The following DGKB variants were observed in gnomAD, a reference collection of about 807,000 sequenced individuals.
DGKB encodes 90 kDa diacylglycerol kinase.
A neutral mutation model predicts 114.3 loss-of-function variants in DGKB; 67 were observed. The ratio of observed to expected loss-of-function variants is 0.59; its 90% CI spans 0.48 to 0.72. The LOEUF (loss-of-function observed/expected upper bound fraction) is 0.72. DGKB is among the 30% of genes least tolerant of loss of function. DGKB has a pLI of 0.00. For synonymous variants in DGKB, 398 were observed against 323.1 expected, an observed-to-expected ratio of 1.23 and a Z score of -2.49; for missense variants, 907 against 975.2, an observed-to-expected ratio of 0.93 and a Z score of 0.93.
intron 13 of DGKB, among the ~76,000 whole-genome samples, chr7:14,649,658 A>G (rs531680135): frequency 1.1e-4 from 16 of 148,500 alleles, no homozygotes; most frequent in Non-Finnish European, 2.1e-4. Context: ...TTAACTTTAA[A>G]TGTAAATGGA....
chr7:14,884,245 TGAGA>T (rs1361738901), intron 1 of DGKB, among the ~76,000 whole-genome samples: 3 of 151,976 alleles, frequency 2.0e-5, no homozygotes, highest in Admixed American at 1.3e-4. Context: ...TAGGCAACAC[TGAGA>T]GAATTTTTAA....
At chr7:14,853,974 A>T (rs1222770067) in intron 1 of DGKB, among the ~76,000 whole-genome samples, 1 of 151,900 alleles carries the variant, frequency 6.6e-6, no homozygotes, top group African/African-American at 2.4e-5. Flanking sequence ...CCCTCTGGTC[A>T]TTGAATTACT....
chr7:14,884,979 C>T (rs1252022165), intron 1 of DGKB, among the ~76,000 whole-genome samples: 2 of 152,044 alleles, frequency 1.3e-5, no homozygotes, highest in East Asian at 1.9e-4. Context: ...GACTTTAGAA[C>T]GCAAAAGCAG....
intron 1 of DGKB, among the ~76,000 whole-genome samples, chr7:14,943,377 C>T (rs962901406): frequency 6.6e-6 from 1 of 151,692 alleles, no homozygotes; most frequent in East Asian, 1.9e-4. Flanking sequence ...CATAATAAAA[C>T]AAACGAAGTG....
chr7:14,514,677 T>C (rs774546591), intron 20 of DGKB, among the ~76,000 whole-genome samples: 4 of 152,154 alleles, frequency 2.6e-5, no homozygotes, highest in Non-Finnish European at 4.4e-5. Context: ...ATTTTTATCT[T>C]GTATCAAATA....
At chr7:14,160,840 G>T (rs951868576) in intron 25 of DGKB, among the ~76,000 whole-genome samples, 1 of 152,118 alleles carries the variant, frequency 6.6e-6, no homozygotes, top group Non-Finnish European at 1.5e-5. Flanking sequence ...AACAAAGCTG[G>T]AGGCATCACG....
chr7:14,358,029 T>C (rs954782227), intron 21 of DGKB, among the ~76,000 whole-genome samples: 3 of 152,168 alleles, frequency 2.0e-5, no homozygotes, highest in Non-Finnish European at 4.4e-5. Context: ...TTTACATTTT[T>C]TCCTTCATTT....
intron 23 of DGKB, among the ~76,000 whole-genome samples, chr7:14,185,224 T>C (rs1783230778): frequency 1.3e-5 from 2 of 152,148 alleles, no homozygotes; most frequent in African/African-American, 4.8e-5. Flanking sequence ...TACACAATAA[T>C]GGCGACCAAG....
At chr7:14,697,980 A>G in intron 8 of DGKB, 115 bp downstream of exon 8, 1 of 648,518 alleles carries the variant, frequency 1.5e-6, no homozygotes, top group Admixed American at 2.9e-5. Flanking sequence ...AAAGAAAGAA[A>G]GAGAGAGAGA....
chr7:14,382,022 T>C (rs914489307), intron 21 of DGKB, among the ~76,000 whole-genome samples: 4 of 152,238 alleles, frequency 2.6e-5, no homozygotes, highest in African/African-American at 9.6e-5. Flanking sequence ...GCATTTGACA[T>C]GAATTCAAGT....
At chr7:14,336,014 G>T (rs535821160) in intron 23 of DGKB, among the ~76,000 whole-genome samples, 1 of 152,134 alleles carries the variant, frequency 6.6e-6, no homozygotes, top group Non-Finnish European at 1.5e-5. Flanking sequence ...AAAGTGTGAG[G>T]ATTGCATGTG....
chr7:14,755,779 C>T (rs898618039), intron 3 of DGKB, among the ~76,000 whole-genome samples: 5 of 151,922 alleles, frequency 3.3e-5, no homozygotes, highest in Non-Finnish European at 5.9e-5. Flanking sequence ...GTTATATAAG[C>T]CTTAAAATTT....
intron 20 of DGKB, among the ~76,000 whole-genome samples, chr7:14,571,993 A>AATGC (rs1355494980): frequency 1.3e-5 from 2 of 152,208 alleles, no homozygotes; most frequent in African/African-American, 4.8e-5. Flanking sequence ...ATTCAACAAA[A>AATGC]AACGAGGAGA....
intron 7 of DGKB, 118 bp from the exon 8 acceptor site, chr7:14,698,287 G>T: frequency 1.6e-6 from 1 of 612,282 alleles, no homozygotes. Context: ...GAGTTCTATG[G>T]GAATATATAT....
At chr7:14,351,950 A>T (rs1477453841) in intron 21 of DGKB, among the ~76,000 whole-genome samples, 2 of 152,216 alleles carry the variant, frequency 1.3e-5, no homozygotes, top group Non-Finnish European at 1.5e-5. Context: ...TATAAGGAAG[A>T]AACACAGCTA....
At chr7:14,176,981 C>T (rs1477533445) in intron 24 of DGKB, 82 bp from the exon 25 acceptor site, 11 of 1,527,788 alleles carry the variant, frequency 7.2e-6, no homozygotes, top group Non-Finnish European at 9.9e-6. Flanking sequence ...GATGATGAGA[C>T]CAGGGAAGGC....
At chr7:14,745,263 A>G (rs948301910) in intron 4 of DGKB, among the ~76,000 whole-genome samples, 4 of 152,200 alleles carry the variant, frequency 2.6e-5, no homozygotes, top group Non-Finnish European at 5.9e-5. Flanking sequence ...CAGAGTCTCA[A>G]ACAATGGCCC....
intron 23 of DGKB, among the ~76,000 whole-genome samples, chr7:14,293,773 G>A (rs1355288735): frequency 6.6e-6 from 1 of 152,106 alleles, no homozygotes; most frequent in Admixed American, 6.6e-5. Context: ...TCTCCAGTTT[G>A]AAACCCTCCA....
At chr7:14,508,860 T>G (rs1001406743) in intron 20 of DGKB, among the ~76,000 whole-genome samples, 4 of 152,232 alleles carry the variant, frequency 2.6e-5, no homozygotes, top group South Asian at 2.1e-4. Context: ...TTTACAGAAT[T>G]GAATTGGTTC....
Sources: gnomAD v4.1 joint callset for allele counts (sites outside exome capture counted in the v4.1 genomes callset) on GRCh38, gnomAD v4.1.1 for gene constraint, MANE v1.5 for transcripts, NCBI Gene and HGNC (gene_info 2026-07-23, HGNC 2026-07-21) for gene names.